The following POLR3G variants were observed in gnomAD, a reference collection of about 807,000 sequenced individuals.
POLR3G encodes RNA polymerase III subunit G.
In POLR3G, 28 loss-of-function variants were observed where a neutral mutation model predicts 30.1. That is an observed-to-expected ratio of 0.93 (90% confidence interval 0.69 to 1.27). POLR3G has a LOEUF of 1.27. Among genes scored for constraint, POLR3G ranks in the 50% most tolerant of loss-of-function variants. POLR3G has a pLI of 0.00. For synonymous variants in POLR3G, 79 were observed against 82.5 expected (o/e 0.96, Z 0.23); for missense variants, 254 against 264.6 (o/e 0.96, Z 0.28).
At chr5:90,475,821 C>T (rs1415507102) in intron 1 of POLR3G, among the ~76,000 whole-genome samples, 1 of 152,222 alleles carries the variant, frequency 6.6e-6, no homozygotes, top group African/African-American at 2.4e-5. Context: ...TAGCGATTCT[C>T]CTGCTTCAGC....
In POLR3G at chr5:90,502,412, G is replaced by A. The variant is rs7725495; in HGVS notation, c.438+424G>A. ...GGTCTTAAGTATTGAAGACTCTTGA[G>A]GGAAAAATGTATTTTATAGAACTTA... On this transcript the variant is annotated intron_variant, in intron 6 of 7. Coordinates refer to ENST00000651687, the MANE Select transcript of POLR3G (RefSeq NM_006467.3). 5.8e-3 allele frequency: 5,067 copies of A among 872,900 alleles called. 186 individuals carry two copies. In the African/African-American group the frequency reaches 0.084, roughly 15 times the overall value. 54.1% of individuals were successfully genotyped at this position (872,900 alleles called of 1,614,324 possible).
Position 90,506,617 on chromosome 5 carries a change from T to C in POLR3G, c.528T>C (p.Asp176=). 6 of 1,613,374 alleles carry C rather than the reference T, an allele frequency of 3.7e-6. No homozygotes were observed. Among genetic ancestry groups the C allele is most frequent in the Non-Finnish European group, 5.1e-6 (6 of 1,179,650 alleles). Reference sequence around the variant, plus strand: ...AAGAGAAAAGTAAAGAAGGTGATGATGACGATGACGATGATGCCGCAGAAC... The same window carrying C: ...AAGAGAAAAGTAAAGAAGGTGATGACGACGATGACGATGATGCCGCAGAAC... ...GSKEKSKEGD[D]DDDDDAAEQE... is the part of the protein sequence containing the mutation. The change falls in exon 7 of 8, where the codon GAT becomes GAC. Residue 176 remains aspartate (D), a synonymous_variant. Transcript: ENST00000651687.
chr5:90,495,449 G>C (rs1347715850), intron 3 of POLR3G, among the ~76,000 whole-genome samples: 1 of 152,192 alleles, frequency 6.6e-6, no homozygotes, highest in Non-Finnish European at 1.5e-5. Context: ...CAATTGGCAT[G>C]TAGGGCTTGC....
chr5:90,506,792 T>C, intron 7 of POLR3G, 118 bp downstream of exon 7: 1 of 1,355,932 alleles, frequency 7.4e-7, no homozygotes, highest in South Asian at 2.4e-5. Flanking sequence ...ACCAGAAGTA[T>C]ATTATTATCA....
At chr5:90,474,586 G>T, upstream of POLR3G, 1 of 448,968 alleles carries the variant, frequency 2.2e-6, no homozygotes, top group Non-Finnish European at 4.0e-6. Context: ...CGCACCACGA[G>T]AGAGCTTTAA....
intron 2 of POLR3G, 67 bp from the exon 3 acceptor site, chr5:90,487,933 A>G: frequency 1.5e-6 from 2 of 1,320,190 alleles, no homozygotes; most frequent in South Asian, 1.8e-5. Context: ...TTTCTATAAT[A>G]CAGATAAAAG....
chr5:90,495,222 T>C (rs1164580531), intron 3 of POLR3G, among the ~76,000 whole-genome samples: 1 of 152,200 alleles, frequency 6.6e-6, no homozygotes, highest in African/African-American at 2.4e-5. Context: ...AGTATTACCT[T>C]CCCTTTTTCA....
chr5:90,512,356 ATC>A lies in POLR3G; in HGVS notation c.*223_*224del. 1 of 482,928 alleles carries A rather than the reference ATC, an allele frequency of 2.1e-6. No homozygotes were observed. The highest frequency in any genetic ancestry group is 3.8e-6 in the Non-Finnish European group (1 of 262,008). The allele number at this position is 482,928 out of a possible 1,614,324, so 29.9% of individuals were successfully genotyped here. A position where few individuals can be genotyped will look rare whatever the true frequency, so the allele number is the denominator to read the frequency against. On this transcript the variant is annotated 3_prime_UTR_variant, in exon 8 of 8. Coordinates refer to ENST00000651687, the MANE Select transcript of POLR3G (RefSeq NM_006467.3). ...GACATTCCTTCTAAACACCTCTGCC[ATC>A]TCTCTTATGTACTCTCATGGGTTTT...
chr5:90,497,580 T>C, intron 4 of POLR3G, 76 bp from the exon 5 acceptor site: 1 of 1,489,444 alleles, frequency 6.7e-7, no homozygotes, highest in Non-Finnish European at 9.0e-7. Context: ...AACTGTTGTG[T>C]CCTTCAAATA....
At chr5:90,488,856 A>G (rs1397481785) in intron 3 of POLR3G, among the ~76,000 whole-genome samples, 1 of 152,196 alleles carries the variant, frequency 6.6e-6, no homozygotes. Flanking sequence ...AGAGGGCTCA[A>G]CAGTCTCAGG....
chr5:90,492,063 A>G (rs1392903390), intron 3 of POLR3G, among the ~76,000 whole-genome samples: 3 of 152,212 alleles, frequency 2.0e-5, no homozygotes, highest in African/African-American at 7.2e-5. Flanking sequence ...ACAGAAAAAC[A>G]TGTTCCACAA....
At chr5:90,474,460 G>GGACGCAGACC (rs1170515470), upstream of POLR3G, 9 of 641,560 alleles carry the variant, frequency 1.4e-5, no homozygotes, top group African/African-American at 3.7e-5. Flanking sequence ...GGAGGAGGAA[G>GGACGCAGACC]GACGCAGACC....
At chr5:90,483,585 A>G (rs1051300717) in intron 1 of POLR3G, among the ~76,000 whole-genome samples, 8 of 152,042 alleles carry the variant, frequency 5.3e-5, no homozygotes, top group Non-Finnish European at 4.4e-5. Context: ...CAGGCAGATC[A>G]CTTGAGGTCA....
chr5:90,477,849 G>A (rs1029142861), intron 1 of POLR3G, among the ~76,000 whole-genome samples: 1 of 152,186 alleles, frequency 6.6e-6, no homozygotes, highest in Non-Finnish European at 1.5e-5. Context: ...GGGCTCAAGG[G>A]TCCCCTTACA....
intron 3 of POLR3G, among the ~76,000 whole-genome samples, chr5:90,493,874 A>AT (rs1561253136): frequency 6.6e-6 from 1 of 150,600 alleles, no homozygotes; most frequent in Admixed American, 6.6e-5. Context: ...CACATGGCTA[A>AT]TTTTTTTGTG....
chr5:90,497,632 T>C (rs1208793756), intron 4 of POLR3G, 24 bp from the exon 5 acceptor site: 1 of 1,575,650 alleles, frequency 6.3e-7, no homozygotes, highest in East Asian at 2.3e-5. Flanking sequence ...AACTGCAATT[T>C]TTTATTTTTT....
At chr5:90,510,341 G>A (rs899166294) in intron 7 of POLR3G, among the ~76,000 whole-genome samples, 3 of 151,830 alleles carry the variant, frequency 2.0e-5, no homozygotes, top group Non-Finnish European at 4.4e-5. Context: ...TCGCGCCACT[G>A]CACTCCAGCC....
At chr5:90,495,243 C>A (rs1239266042) in intron 3 of POLR3G, among the ~76,000 whole-genome samples, 1 of 152,134 alleles carries the variant, frequency 6.6e-6, no homozygotes, top group Non-Finnish European at 1.5e-5. Flanking sequence ...TGCCTAACTC[C>A]TGAACTACTT....
chr5:90,481,651 C>T (rs901234171), intron 1 of POLR3G, among the ~76,000 whole-genome samples: 15 of 151,784 alleles, frequency 9.9e-5, no homozygotes, highest in African/African-American at 3.6e-4. Flanking sequence ...GACCTAGTTT[C>T]TTAGACAAAT....
Sources: gnomAD v4.1 joint callset for allele counts (sites outside exome capture counted in the v4.1 genomes callset) on GRCh38, gnomAD v4.1.1 for gene constraint, MANE v1.5 for transcripts, NCBI Gene and HGNC (gene_info 2026-07-23, HGNC 2026-07-21) for gene names.